TNK2: variants seen among roughly 807,000 people sequenced by gnomAD.
The protein encoded by TNK2 is activated CDC42 kinase 1.
In TNK2, 83 loss-of-function variants were observed where a neutral mutation model predicts 101.8. The ratio of observed to expected loss-of-function variants is 0.82; its 90% CI spans 0.68 to 0.98. The LOEUF (loss-of-function observed/expected upper bound fraction) is 0.98. TNK2 is among the 50% of genes least tolerant of loss of function. The pLI is 0.00. For synonymous variants in TNK2, 804 were observed against 633.0 expected, an observed-to-expected ratio of 1.27 and a Z score of -4.06; for missense variants, 1,665 against 1,483.2, an observed-to-expected ratio of 1.12 and a Z score of -2.01.
At position 195,884,909 on chromosome 3, in the gene TNK2, A is replaced by G; in HGVS notation, c.359T>C (p.Leu120Pro). The stretch of plus-strand genomic sequence containing the variant: ...GAGGCGCAGGTCCTTCTCCCCAATG[A>G]GGCAGGTGAGGCTCTGCAGGGGCCC... ...GEGPLQSLTC[L>P]IGEKDLRLLE... Residue 120 changes from leucine to proline, a missense_variant, in exon 4 of 16, where the codon CTC (leucine) becomes CCC (proline). Leu to Pro is a moderately conservative substitution (Grantham distance 98). Around this residue, in one of 3 missense-constraint regions of TNK2, gnomAD observed 490 missense variants for 522.5 expected, o/e 0.94. Coordinates refer to ENST00000672887, the MANE Select transcript of TNK2 (RefSeq NM_001382273.1). The G allele has an allele frequency of 6.2e-7, 1 of 1,614,052 alleles. No homozygotes were observed. The highest frequency in any genetic ancestry group is 8.5e-7 in the Non-Finnish European group (1 of 1,179,984).
In TNK2 at chr3:195,883,259, T is replaced by A. The variant is rs1265629903; in HGVS notation, c.507A>T (p.Glu169Asp). 2 of 1,613,314 alleles carry A rather than the reference T, an allele frequency of 1.2e-6. No individual in the cohort carries two copies. The highest frequency in any genetic ancestry group is 1.7e-6 in the Non-Finnish European group (2 of 1,180,014). The change falls in exon 5 of 16, where the codon GAA becomes GAT. Residue 169 changes from glutamate to aspartate, a missense_variant. Transcript: ENST00000672887. ...CCTCCCGGATGAAGTCGTCCATGGC[T>A]TCTGGCTGGCTCAGGACATCGGGCT... ...CLKPDVLSQPEAMDDFIREVN... is the reference protein window; with the variant it reads ...CLKPDVLSQPDAMDDFIREVN...
In TNK2 at chr3:195,883,273, G is replaced by C. The variant is rs755912029; in HGVS notation, c.493C>G (p.Leu165Val). 12 of 1,613,358 alleles carry C rather than the reference G, an allele frequency of 7.4e-6. No homozygotes were observed. In the South Asian group the frequency reaches 1.3e-4, roughly 18 times the overall value. ...VAVKCLKPDV[L>V]SQPEAMDDFI... ...TCGTCCATGGCTTCTGGCTGGCTCA[G>C]GACATCGGGCTTCAGGCACTTCACA... Residue 165 changes from leucine (L) to valine (V), a missense_variant, in exon 5 of 16, where the codon CTG becomes GTG. By Grantham distance (32) the Leu-to-Val change is conservative. Around this residue, in one of 3 missense-constraint regions of TNK2, gnomAD observed 490 missense variants for 522.5 expected, o/e 0.94. Transcript: ENST00000672887.
chr3:195,873,072 A>G (rs1357430348), intron 9 of TNK2, among the ~76,000 whole-genome samples: 1 of 151,908 alleles, frequency 6.6e-6, no homozygotes, highest in Non-Finnish European at 1.5e-5. Flanking sequence ...CCCTCCCTCC[A>G]CCGCTTCACC....
intron 10 of TNK2, among the ~76,000 whole-genome samples, chr3:195,871,465 C>T (rs1003065241): frequency 1.3e-5 from 2 of 152,112 alleles, no homozygotes; most frequent in African/African-American, 2.4e-5. Flanking sequence ...AGCAGGTTCA[C>T]GTCTCCAGGA....
At position 195,886,675 on chromosome 3, in the gene TNK2, G is replaced by C. The variant is rs571168507; in HGVS notation, c.234+302C>G. Among the ~76,000 whole-genome samples, 1 of 152,158 alleles carries C rather than the reference G, an allele frequency of 6.6e-6. No homozygotes were observed. Among genetic ancestry groups the C allele is most frequent in the African/African-American group, 2.4e-5 (1 of 41,440 alleles). On this transcript the variant is annotated intron_variant, in intron 3 of 15. Transcript: ENST00000672887. This position sits in a 1 kb window ranked among gnomAD's most constrained non-coding sequence, Gnocchi z 4.2. ...CTGGCCCCAACGCTCAGACACAGCA[G>C]GGCTAAGTTAAGGCACACTTGTCAA...
In TNK2 at chr3:195,868,929, G is replaced by A. The variant is rs867073754; in HGVS notation, c.1589-220C>T. On this transcript the variant is annotated intron_variant, in intron 12 of 15. Transcript: ENST00000672887. ...CTGCTCTGCCCGGCAGCCCCATGTG[G>A]GCCGGTGAGCCCCGCCTCGCTCCGT... 6.6e-5 allele frequency: 38 copies of A among 572,924 alleles called. 1 individual carries two copies. The South Asian group carries it at 8.1e-4, about 12-fold the overall frequency. The allele number at this position is 572,924 out of a possible 1,614,324, so 35.5% of individuals were successfully genotyped here. A position where few individuals can be genotyped will look rare whatever the true frequency, so the allele number is the denominator to read the frequency against.
intron 12 of TNK2, chr3:195,869,139 A>G: frequency 3.9e-6 from 2 of 517,028 alleles, no homozygotes; most frequent in Middle Eastern, 5.2e-4. Flanking sequence ...CTATCCTTGG[A>G]GAGGACAGTA....
chr3:195,895,716 T>C (rs970015732), intron 1 of TNK2, among the ~76,000 whole-genome samples: 2 of 151,948 alleles, frequency 1.3e-5, no homozygotes, highest in Non-Finnish European at 2.9e-5. Context: ...AACTGGGGCC[T>C]TGGGGATTCA....
chr3:195,871,902 C>T (rs1199384356), intron 10 of TNK2, among the ~76,000 whole-genome samples: 1 of 151,996 alleles, frequency 6.6e-6, no homozygotes, highest in Admixed American at 6.6e-5. Flanking sequence ...CCCTGGAGAA[C>T]GCTCCCCGGA....
At position 195,888,410 on chromosome 3, in the gene TNK2, C is replaced by T. The variant is rs928410060; in HGVS notation, c.163+16G>A. The stretch of plus-strand genomic sequence containing the variant: ...AGGGTCAGGGGCAAGACAAGCCAGG[C>T]CAACATCCCACCTACCAGGCCGACC... On this transcript the variant is annotated intron_variant, in intron 2 of 15. Transcript: ENST00000672887. This position sits in a 1 kb window ranked among gnomAD's most constrained non-coding sequence, Gnocchi z 5.3. The T allele has an allele frequency of 6.2e-7, 1 of 1,609,970 alleles. No individual in the cohort carries two copies. The highest frequency in any genetic ancestry group is 1.7e-5 in the Admixed American group (1 of 59,828).
At chr3:195,876,223 G>C (rs569404293) in intron 9 of TNK2, among the ~76,000 whole-genome samples, 1 of 152,184 alleles carries the variant, frequency 6.6e-6, no homozygotes, top group South Asian at 2.1e-4. Context: ...GACACAGCAC[G>C]AAACATCTAG....
At chr3:195,892,557 T>C in intron 1 of TNK2, 2 of 1,515,772 alleles carry the variant, frequency 1.3e-6, no homozygotes, top group South Asian at 2.5e-5. Flanking sequence ...AGCTTCGCAC[T>C]CTGCCCAGGA....
chr3:195,878,140 C>T lies in TNK2; in HGVS notation c.1256+113G>A. 6 of 1,151,320 alleles carry T rather than the reference C, an allele frequency of 5.2e-6. No homozygotes were observed. The highest frequency in any genetic ancestry group is 6.5e-6 in the Non-Finnish European group (5 of 773,514). 71.3% of individuals were successfully genotyped at this position (1,151,320 alleles called of 1,614,324 possible). On this transcript the variant is annotated intron_variant, in intron 9 of 15. Coordinates refer to ENST00000672887, the MANE Select transcript of TNK2 (RefSeq NM_001382273.1). This position sits in a 1 kb window ranked among gnomAD's most constrained non-coding sequence, Gnocchi z 4.7. ...CACTGCAGGGTTCAGGCCCAACCGC[C>T]AGCCTGTATGTGGCCAAGGGAATCT...
intron 10 of TNK2, 65 bp from the exon 11 acceptor site, chr3:195,870,270 C>T: frequency 6.3e-7 from 1 of 1,591,390 alleles, no homozygotes; most frequent in Non-Finnish European, 8.6e-7. Flanking sequence ...AGAATCTCAT[C>T]AGAGCCCCTT....
In TNK2 at chr3:195,878,679, C is replaced by T; in HGVS notation, c.1015-87G>A. ...CTTCCCTCCAGCCCATCCACAGCTG[C>T]AGCGGCTGCTGCCATGCCTGGCCTC... On this transcript the variant is annotated intron_variant, in intron 7 of 15. Coordinates refer to ENST00000672887, the MANE Select transcript of TNK2 (RefSeq NM_001382273.1). The surrounding 1 kb of genome is among the most constrained non-coding windows in gnomAD (Gnocchi z 4.7). 1 of 1,524,562 alleles carries T rather than the reference C, an allele frequency of 6.6e-7. No individual in the cohort carries two copies. Among genetic ancestry groups the T allele is most frequent in the South Asian group, 1.2e-5 (1 of 81,392 alleles). 94.4% of individuals were successfully genotyped at this position (1,524,562 alleles called of 1,614,324 possible).
rs1229344430 is a variant in TNK2 at position 195,867,969 on chromosome 3, C to T, written c.2329G>A (p.Gly777Ser). 30 of 1,545,452 alleles carry T rather than the reference C, an allele frequency of 1.9e-5. No individual in the cohort carries two copies. Among genetic ancestry groups the T allele is most frequent in the Non-Finnish European group, 2.5e-5 (29 of 1,157,924 alleles). ...GGCCACTGGCTGGTCTCCTCCTCGCCCGGGGGGGCTGGAGACAGCTGGACG... is the reference window on the plus strand; with the variant it reads ...GGCCACTGGCTGGTCTCCTCCTCGCTCGGGGGGGCTGGAGACAGCTGGACG... ...PHVQLSPAPPGEEETSQWPGP... is the reference protein window; with the variant it reads ...PHVQLSPAPPSEEETSQWPGP... The change falls in exon 13 of 16, where the codon GGC becomes AGC. Residue 777 changes from glycine to serine, a missense_variant. Physicochemically the swap from Gly to Ser is moderately conservative, Grantham distance 56. Coordinates refer to ENST00000672887, the MANE Select transcript of TNK2 (RefSeq NM_001382273.1).
rs1446354561 is a variant in TNK2, at chr3:195,894,037, G to A, written c.-18-5431C>T. Among the ~76,000 whole-genome samples the A allele has an allele frequency of 2.0e-5, 3 of 152,164 alleles. No individual in the cohort carries two copies. In the East Asian group the frequency reaches 5.8e-4, roughly 29 times the overall value. On this transcript the variant is annotated intron_variant, in intron 1 of 15. Transcript: ENST00000672887. ...GAGATGGCAGGTGTGGATGGAGTGGGGGCTGAGGTCAGGTGGACAAGATCA... is the reference window on the plus strand; with the variant it reads ...GAGATGGCAGGTGTGGATGGAGTGGAGGCTGAGGTCAGGTGGACAAGATCA...
rs533436221 is a variant in TNK2 at position 195,866,107 on chromosome 3, AGT to A, written c.3161+780_3161+781del. Among the ~76,000 whole-genome samples, 39 of 152,348 alleles carry A rather than the reference AGT, an allele frequency of 2.6e-4. 1 individual carries two copies. The South Asian group carries it at 7.9e-3, about 31-fold the overall frequency. The stretch of plus-strand genomic sequence containing the variant: ...ATATATATATTTACATAATATATAA[AGT>A]GTGTTTATATATGTATATATTTTAA... On this transcript the variant is annotated intron_variant, in intron 15 of 15. Coordinates refer to ENST00000672887, the MANE Select transcript of TNK2 (RefSeq NM_001382273.1).
At chr3:195,905,155 T>C (rs921365244) in intron 1 of TNK2, among the ~76,000 whole-genome samples, 1 of 152,180 alleles carries the variant, frequency 6.6e-6, no homozygotes. Context: ...AATAGATCAA[T>C]GGAACAAAAC....
Sources: gnomAD v4.1 joint callset for allele counts (sites outside exome capture counted in the v4.1 genomes callset) on GRCh38, gnomAD v4.1.1 for gene constraint, gnomAD v4.1.1 regional missense constraint, Gnocchi (gnomAD v3.1) non-coding constraint, MANE v1.5 for transcripts, NCBI Gene and HGNC (gene_info 2026-07-23, HGNC 2026-07-21) for gene names.